The following CEP128 variants were observed in gnomAD, a reference collection of about 807,000 sequenced individuals.
CEP128 encodes the protein centrosomal protein 128kDa.
CEP128 carries 132 observed loss-of-function variants against 156.7 expected under a neutral mutation model. The ratio of observed to expected loss-of-function variants is 0.84; its 90% CI spans 0.73 to 0.97. The LOEUF (loss-of-function observed/expected upper bound fraction) is 0.97. Among genes scored for constraint, CEP128 ranks in the 50% least tolerant of loss-of-function variants. The pLI is 0.00. For synonymous variants in CEP128, 469 were observed against 448.9 expected, an observed-to-expected ratio of 1.04 and a Z score of -0.57; for missense variants, 1,252 against 1,281.9, an observed-to-expected ratio of 0.98 and a Z score of 0.36.
At chr14:80,723,711 G>GA in intron 19 of CEP128, among the ~76,000 whole-genome samples, 1 of 152,224 alleles carries the variant, frequency 6.6e-6, no homozygotes, top group Middle Eastern at 3.4e-3. Flanking sequence ...CTCCTTCAAT[G>GA]AAAAGTGGTG....
intron 9 of CEP128, among the ~76,000 whole-genome samples, chr14:80,857,911 T>A (rs1479375017): frequency 6.6e-6 from 1 of 152,100 alleles, no homozygotes; most frequent in Non-Finnish European, 1.5e-5. Flanking sequence ...CCAAACCAGG[T>A]TGTTTAAAAT....
chr14:80,824,475 C>G (rs1385272265), intron 13 of CEP128, among the ~76,000 whole-genome samples: 1 of 152,332 alleles, frequency 6.6e-6, no homozygotes, highest in Non-Finnish European at 1.5e-5. Context: ...ATGCCTTTAA[C>G]AGCACCCAAG....
chr14:80,867,859 T>C (rs1887841436), intron 8 of CEP128, among the ~76,000 whole-genome samples: 1 of 151,960 alleles, frequency 6.6e-6, no homozygotes, highest in African/African-American at 2.4e-5. Flanking sequence ...TCCTTGAAGA[T>C]CAAATAACTA....
intron 21 of CEP128, among the ~76,000 whole-genome samples, chr14:80,558,703 G>A (rs189581426): frequency 2.0e-5 from 3 of 152,188 alleles, no homozygotes; most frequent in African/African-American, 4.8e-5. Context: ...GATTATGGGC[G>A]TGAGCTACTG....
downstream of CEP128, among the ~76,000 whole-genome samples, chr14:80,487,576 C>T (rs1167897752): frequency 6.6e-6 from 1 of 152,134 alleles, no homozygotes; most frequent in African/African-American, 2.4e-5. Context: ...AATATACATT[C>T]TTTTCAGCAC....
chr14:80,479,334 T>C lies in CEP128; in HGVS notation c.*311-927A>G, dbSNP rs538466548. Among the ~76,000 whole-genome samples the C allele has an allele frequency of 1.6e-4, 25 of 152,302 alleles. No individual in the cohort carries two copies. In the South Asian group the frequency reaches 5.0e-3, roughly 30 times the overall value. On this transcript the variant is annotated intron_variant and NMD_transcript_variant, in intron 14 of 14. Transcript: ENST00000554502. ...AACAAGGGTATTTTCAAACTGCTGATGAAGACACACCTGAAACTGGGAACA... is the reference window on the plus strand; with the variant it reads ...AACAAGGGTATTTTCAAACTGCTGACGAAGACACACCTGAAACTGGGAACA...
intron 19 of CEP128, among the ~76,000 whole-genome samples, chr14:80,614,245 A>G (rs1385329450): frequency 1.3e-5 from 2 of 152,196 alleles, no homozygotes; most frequent in Non-Finnish European, 2.9e-5. Flanking sequence ...GTTTCACAGA[A>G]TTATATTACC....
intron 21 of CEP128, among the ~76,000 whole-genome samples, chr14:80,535,617 A>G (rs1020114718): frequency 6.7e-6 from 1 of 149,630 alleles, no homozygotes. Context: ...GCACACACTC[A>G]CACACACACA....
chr14:80,513,426 T>C (rs1460609121), intron 23 of CEP128, among the ~76,000 whole-genome samples: 2 of 152,198 alleles, frequency 1.3e-5, no homozygotes, highest in South Asian at 2.1e-4. Context: ...CTTTGGGAGT[T>C]ACATGTTTTG....
intron 2 of CEP128, among the ~76,000 whole-genome samples, chr14:80,921,740 G>A (rs1884875343): frequency 6.6e-6 from 1 of 152,120 alleles, no homozygotes; most frequent in Admixed American, 6.6e-5. Flanking sequence ...AAGGCAGGCG[G>A]ACTGCCTCAG....
intron 19 of CEP128, among the ~76,000 whole-genome samples, chr14:80,643,627 T>C (rs12590123): frequency 1.3e-5 from 2 of 152,016 alleles, no homozygotes; most frequent in Admixed American, 6.5e-5. Flanking sequence ...GGAGAATCAC[T>C]TGAACCTGGG....
rs555892013 is a variant in CEP128 at position 80,548,052 on chromosome 14, G to A, written c.2880+11227C>T. 6.6e-5 allele frequency among the ~76,000 whole-genome samples: 10 copies of A among 152,044 alleles called. No homozygotes were observed. In the South Asian group the frequency reaches 1.2e-3, roughly 19 times the overall value. ...TGACCTCAGGTGATCCACCCTCCTC[G>A]GCCTCCCAAAGTGCTGGGATTACAG... is the stretch of plus-strand genomic sequence containing the variant. On this transcript the variant is annotated intron_variant, in intron 21 of 24. Transcript: ENST00000555265.
chr14:80,798,365 C>T (rs907787097), intron 13 of CEP128, among the ~76,000 whole-genome samples: 1 of 152,146 alleles, frequency 6.6e-6, no homozygotes, highest in African/African-American at 2.4e-5. Flanking sequence ...GAGAAAAAGG[C>T]ACACGAAGTG....
At chr14:80,883,100 C>T (rs1888628333) in intron 8 of CEP128, among the ~76,000 whole-genome samples, 1 of 151,984 alleles carries the variant, frequency 6.6e-6, no homozygotes, top group Admixed American at 6.5e-5. Context: ...ATGGATACTC[C>T]ATTTACTCTG....
Position 80,894,156 on chromosome 14 carries a change from T to G in CEP128, c.645+1562A>C, listed in dbSNP as rs959779541. The stretch of plus-strand genomic sequence containing the variant: ...CAAAAGAAAAGATGGAAAATTAAAC[T>G]GGATTAAAATTCAATAGACGGTCCC... On this transcript the variant is annotated intron_variant, in intron 8 of 24. Transcript: ENST00000555265. Among the ~76,000 whole-genome samples the G allele has an allele frequency of 4.6e-5, 7 of 151,820 alleles. No homozygotes were observed. In the East Asian group the frequency reaches 1.4e-3, roughly 29 times the overall value.
chr14:80,699,631 T>G (rs984816186), intron 19 of CEP128, among the ~76,000 whole-genome samples: 1 of 139,106 alleles, frequency 7.2e-6, no homozygotes, highest in Non-Finnish European at 1.5e-5. Flanking sequence ...GCGAGCATGC[T>G]ACATCACTGA....
At chr14:80,674,572 G>GT (rs1300967023) in intron 19 of CEP128, among the ~76,000 whole-genome samples, 1 of 151,978 alleles carries the variant, frequency 6.6e-6, no homozygotes, top group East Asian at 1.9e-4. Flanking sequence ...TCTTTATTAA[G>GT]TTTTAGAAAA....
rs147920791 is a variant in CEP128, at chr14:80,572,903, A to G, written c.2856+7471T>C. Among the ~76,000 whole-genome samples the G allele has an allele frequency of 3.4e-3, 523 of 152,196 alleles. 3 individuals are homozygous for G. Among genetic ancestry groups the G allele is most frequent in the Non-Finnish European group, 4.9e-3 (335 of 68,006 alleles). On this transcript the variant is annotated intron_variant, in intron 20 of 24. Coordinates refer to ENST00000555265, the MANE Select transcript of CEP128 (RefSeq NM_152446.5). ...GGTGGGAGGAATTTACCTATTCTGT[A>G]AAACACACCCAGGTCACTGTTTTTT...
chr14:80,808,679 T>A (rs1884328516), intron 13 of CEP128, among the ~76,000 whole-genome samples: 4 of 151,926 alleles, frequency 2.6e-5, no homozygotes, highest in Admixed American at 2.0e-4. Flanking sequence ...GACACCTTTA[T>A]CACCAGGAAA....
Sources: allele counts gnomAD v4.1 joint callset (sites outside exome capture counted in the v4.1 genomes callset), GRCh38; gene constraint gnomAD v4.1.1; transcripts MANE v1.5; gene names NCBI Gene and HGNC (gene_info 2026-07-23, HGNC 2026-07-21).